The following XIRP2 variants were observed in gnomAD, a reference collection of about 807,000 sequenced individuals.
XIRP2 encodes the protein xin actin binding repeat containing 2, also known as xin actin-binding repeat-containing protein 2.
XIRP2 carries 236 observed loss-of-function variants against 277.0 expected under a neutral mutation model. The ratio of observed to expected loss-of-function variants is 0.85; its 90% CI spans 0.77 to 0.95. The LOEUF (loss-of-function observed/expected upper bound fraction) is 0.95. Among genes scored for constraint, XIRP2 ranks in the 40% least tolerant of loss-of-function variants. The probability of loss-of-function intolerance (pLI) is 0.00; values close to 1 mark genes in which losing one functional copy is unlikely to be tolerated. For synonymous variants in XIRP2, 1,490 were observed against 1,416.5 expected (o/e 1.05, Z -1.17); for missense variants, 4,640 against 4,157.5 (o/e 1.12, Z -3.19).
At chr2:167,000,324 T>C (rs1687330197) in intron 2 of XIRP2, among the ~76,000 whole-genome samples, 1 of 152,132 alleles carries the variant, frequency 6.6e-6, no homozygotes, top group African/African-American at 2.4e-5. Context: ...TAAGATACTT[T>C]TAATTTCTTT....
intron 2 of XIRP2, among the ~76,000 whole-genome samples, chr2:167,083,645 G>A: frequency 6.6e-6 from 1 of 152,104 alleles, no homozygotes; most frequent in East Asian, 1.9e-4. Flanking sequence ...AGTTCTCCTT[G>A]AAGAGATCCT....
chr2:167,108,142 T>G (rs755240421), intron 2 of XIRP2, among the ~76,000 whole-genome samples: 11 of 151,976 alleles, frequency 7.2e-5, no homozygotes, highest in Middle Eastern at 3.8e-3. Flanking sequence ...TAGAAAATTG[T>G]TCATCATATT....
chr2:166,922,110 C>G (rs1004611869), intron 2 of XIRP2, among the ~76,000 whole-genome samples: 1 of 152,118 alleles, frequency 6.6e-6, no homozygotes, highest in South Asian at 2.1e-4. Flanking sequence ...TGTTAGCCTT[C>G]CAAAGGACAA....
intron 2 of XIRP2, among the ~76,000 whole-genome samples, chr2:167,064,528 A>G (rs80147673): frequency 0.046 from 7,016 of 152,016 alleles, 238 homozygotes; most frequent in African/African-American, 0.092. Context: ...ATAACATAAA[A>G]TGTGCCATCT....
chr2:166,903,234 T>C (rs1466277812), intron 1 of XIRP2, among the ~76,000 whole-genome samples: 1 of 152,134 alleles, frequency 6.6e-6, no homozygotes, highest in Non-Finnish European at 1.5e-5. Context: ...ATATTCAAAC[T>C]GCCATGGCTA....
chr2:167,074,615 T>C (rs1308617740), intron 2 of XIRP2, among the ~76,000 whole-genome samples: 1 of 143,668 alleles, frequency 7.0e-6, no homozygotes, highest in African/African-American at 2.9e-5. Context: ...TGTGTGTGTG[T>C]GTGTGTGCAT....
At chr2:167,238,052 C>T (rs899405900) in intron 5 of XIRP2, among the ~76,000 whole-genome samples, 2 of 152,180 alleles carry the variant, frequency 1.3e-5, no homozygotes, top group African/African-American at 4.8e-5. Context: ...ATGGATCCTT[C>T]TCAAGAAACT....
chr2:167,011,362 G>A (rs1687674752), intron 2 of XIRP2, among the ~76,000 whole-genome samples: 1 of 151,288 alleles, frequency 6.6e-6, no homozygotes, highest in Non-Finnish European at 1.5e-5. Flanking sequence ...CTGTTTATAT[G>A]CTGGATTACA....
chr2:167,026,543 C>G (rs933486946), intron 2 of XIRP2, among the ~76,000 whole-genome samples: 1 of 152,118 alleles, frequency 6.6e-6, no homozygotes, highest in Non-Finnish European at 1.5e-5. Context: ...CAGTTTCTTC[C>G]TAGCCTAGAT....
At chr2:167,110,502 C>T (rs1690722297) in intron 2 of XIRP2, among the ~76,000 whole-genome samples, 2 of 152,006 alleles carry the variant, frequency 1.3e-5, no homozygotes, top group Non-Finnish European at 2.9e-5. Context: ...TATTTCTGTA[C>T]TCTCTATTCT....
chr2:167,245,517 A>G lies in XIRP2; in HGVS notation c.4125A>G (p.Thr1375=). The part of the protein sequence containing the change: ...SETVYVIKSV[T]QEDIQKGDVS... Reference sequence around the variant, plus strand: ...CTGTGTATGTTATTAAATCTGTCACACAAGAAGACATTCAGAAGGGAGATG... The same window carrying G: ...CTGTGTATGTTATTAAATCTGTCACGCAAGAAGACATTCAGAAGGGAGATG... Residue 1375 remains threonine (T), a synonymous_variant, in exon 9 of 11, where the codon ACA becomes ACG. Coordinates refer to ENST00000409195, the MANE Select transcript of XIRP2 (RefSeq NM_152381.6). 2 of 1,613,568 alleles carry G rather than the reference A, an allele frequency of 1.2e-6. No individual in the cohort carries two copies. The highest frequency in any genetic ancestry group is 1.7e-6 in the Non-Finnish European group (2 of 1,179,684).
At position 166,904,144 on chromosome 2, in the gene XIRP2, T is replaced by C. The variant is rs185236346; in HGVS notation, c.408+254T>C. Among the ~76,000 whole-genome samples the C allele has an allele frequency of 2.7e-3, 415 of 152,282 alleles. 2 individuals are homozygous for C. The highest frequency in any genetic ancestry group is 9.5e-3 in the African/African-American group (393 of 41,566). The stretch of plus-strand genomic sequence containing the variant: ...GCCCTCTTATGTTGATGTTTCTGTA[T>C]GTATGTGCCTTATTTCTACAACTAC... On this transcript the variant is annotated intron_variant, in intron 2 of 10. Coordinates refer to ENST00000409195, the MANE Select transcript of XIRP2 (RefSeq NM_152381.6).
intron 3 of XIRP2, among the ~76,000 whole-genome samples, chr2:167,159,919 T>C (rs995005090): frequency 6.6e-6 from 1 of 152,200 alleles, no homozygotes; most frequent in Non-Finnish European, 1.5e-5. Context: ...ATCAGTCATA[T>C]ACAAAGCAAG....
chr2:167,021,011 T>A (rs1687966719), intron 2 of XIRP2, among the ~76,000 whole-genome samples: 1 of 152,114 alleles, frequency 6.6e-6, no homozygotes, highest in African/African-American at 2.4e-5. Context: ...AATGGCTGTC[T>A]AGTTCTACAT....
Position 167,073,617 on chromosome 2 carries a change from C to T in XIRP2, c.409-62292C>T, listed in dbSNP as rs533539063. Reference sequence around the variant, plus strand: ...GTCCTTCCTTTCTAGCAAATGTCTACCTGTCTAAACCTACTGGTGTAATTA... The same window carrying T: ...GTCCTTCCTTTCTAGCAAATGTCTATCTGTCTAAACCTACTGGTGTAATTA... On this transcript the variant is annotated intron_variant, in intron 2 of 10. Transcript: ENST00000409195. Among the ~76,000 whole-genome samples the T allele has an allele frequency of 3.4e-4, 51 of 152,096 alleles. No homozygotes were observed. The South Asian group carries it at 9.8e-3, about 29-fold the overall frequency.
chr2:167,036,353 C>T (rs1404281696), intron 2 of XIRP2, among the ~76,000 whole-genome samples: 1 of 152,162 alleles, frequency 6.6e-6, no homozygotes, highest in African/African-American at 2.4e-5. Context: ...GGATAGAGCT[C>T]CCCAAGACCA....
chr2:167,071,534 G>A (rs1689437679), intron 2 of XIRP2, among the ~76,000 whole-genome samples: 1 of 152,178 alleles, frequency 6.6e-6, no homozygotes, highest in Non-Finnish European at 1.5e-5. Context: ...CGTAGGAGAA[G>A]GTTGGTCTCA....
chr2:167,090,862 A>G (rs980165545), intron 2 of XIRP2, among the ~76,000 whole-genome samples: 4 of 152,088 alleles, frequency 2.6e-5, no homozygotes, highest in Non-Finnish European at 4.4e-5. Flanking sequence ...ATCTGCCCCC[A>G]TAACCCAAAC....
intron 2 of XIRP2, among the ~76,000 whole-genome samples, chr2:167,101,771 A>G (rs1170429759): frequency 2.0e-5 from 3 of 152,182 alleles, no homozygotes; most frequent in Non-Finnish European, 4.4e-5. Flanking sequence ...TTTAATTTAT[A>G]TATTGTTTTG....
Sources: gnomAD v4.1 joint callset for allele counts (sites outside exome capture counted in the v4.1 genomes callset) on GRCh38, gnomAD v4.1.1 for gene constraint, MANE v1.5 for transcripts, NCBI Gene and HGNC (gene_info 2026-07-23, HGNC 2026-07-21) for gene names.